CLCN6: variants seen among roughly 807,000 people sequenced by gnomAD.
The protein encoded by CLCN6 is H(+)/Cl(-) exchange transporter 6.
CLCN6 carries 70 observed loss-of-function variants against 109.8 expected under a neutral mutation model. The ratio of observed to expected loss-of-function variants is 0.64; its 90% CI spans 0.53 to 0.78. The LOEUF (loss-of-function observed/expected upper bound fraction) is 0.78, where lower values mean the gene tolerates loss of function less well. CLCN6 is among the 30% of genes least tolerant of loss of function. CLCN6 has a pLI of 0.00. For synonymous variants in CLCN6, 444 were observed against 447.8 expected (o/e 0.99, Z 0.11); for missense variants, 984 against 1,142.3 (o/e 0.86, Z 2.00).
rs1644940820 is a variant in CLCN6, at chr1:11,836,100, GAGA to G, written c.1930_1932del (p.Lys644del). On this transcript the variant is annotated inframe_deletion, in exon 18 of 23. Coordinates refer to ENST00000346436, the MANE Select transcript of CLCN6 (RefSeq NM_001286.5). ...GGTGGTCACAGAGAACCGCGGTAACGAGAAGGAGTTCATGAAGGGCAACCAGCT... is the reference window on the plus strand; with the variant it reads ...GGTGGTCACAGAGAACCGCGGTAACGAGGAGTTCATGAAGGGCAACCAGCT... 1 of 1,613,918 alleles carries G rather than the reference GAGA, an allele frequency of 6.2e-7. No homozygotes were observed.
In CLCN6 at chr1:11,842,918, A is replaced by G. The variant is rs1645043302; in HGVS notation, c.*2695A>G. The G allele has an allele frequency of 1.3e-5, 2 of 152,246 alleles. No individual in the cohort carries two copies. The highest frequency in any genetic ancestry group is 1.3e-4 in the Admixed American group (2 of 15,280). 9.4% of individuals were successfully genotyped at this position (152,246 alleles called of 1,614,324 possible). On this transcript the variant is annotated 3_prime_UTR_variant, in exon 23 of 23. Transcript: ENST00000346436. ...CAGCCCTGCAGTATTGATGTGCAGT[A>G]TTGCACCACAGCTCTGCGGACCTTG...
chr1:11,839,225 A>G (rs1039682136), intron 22 of CLCN6, among the ~76,000 whole-genome samples: 3 of 152,182 alleles, frequency 2.0e-5, no homozygotes, highest in African/African-American at 4.8e-5. Context: ...AGCCCTGGTA[A>G]CTTTTCAAGG....
At chr1:11,826,101 T>G in intron 8 of CLCN6, 55 bp from the exon 9 acceptor site, 11 of 1,187,804 alleles carry the variant, frequency 9.3e-6, no homozygotes, top group East Asian at 2.4e-5. Flanking sequence ...GGGGTACAGG[T>G]AGTATTTGGT....
Position 11,840,542 on chromosome 1 carries a change from G to T in CLCN6, c.*319G>T. On this transcript the variant is annotated 3_prime_UTR_variant, in exon 23 of 23. Transcript: ENST00000346436. ...CAGAGGTAGAATCAGGCGGGCCCCGGGCTGCACTCCGAGCAGTGTTCCTGG... is the reference window on the plus strand; with the variant it reads ...CAGAGGTAGAATCAGGCGGGCCCCGTGCTGCACTCCGAGCAGTGTTCCTGG... 2.2e-6 allele frequency: 1 copy of T among 456,632 alleles called. No homozygotes were observed. The highest frequency in any genetic ancestry group is 4.1e-6 in the Non-Finnish European group (1 of 246,162). The allele number at this position is 456,632 out of a possible 1,614,324, so 28.3% of individuals were successfully genotyped here.
In CLCN6 at chr1:11,807,396, C is replaced by T. The variant is rs116823863; in HGVS notation, c.147+206C>T. Reference sequence around the variant, plus strand: ...CAAAACAAGGTCTGGTGTTTTTACACGTTTATAAATCTGTGGCACCTTAAC... The same window carrying T: ...CAAAACAAGGTCTGGTGTTTTTACATGTTTATAAATCTGTGGCACCTTAAC... On this transcript the variant is annotated intron_variant, in intron 2 of 22. Transcript: ENST00000346436. Among the ~76,000 whole-genome samples, 342 of 152,326 alleles carry T rather than the reference C, an allele frequency of 2.2e-3. 4 individuals carry two copies. The highest frequency in any genetic ancestry group is 7.9e-3 in the African/African-American group (328 of 41,572).
Position 11,841,826 on chromosome 1 carries a change from C to T in CLCN6, c.*1603C>T, listed in dbSNP as rs1486832101. ...AAGGTCTTTTCTAGCTGATTGTGGC[C>T]CCTCCATTTTCCCCATTTTCTTATC... is the stretch of plus-strand genomic sequence containing the variant. On this transcript the variant is annotated 3_prime_UTR_variant, in exon 23 of 23. Coordinates refer to ENST00000346436, the MANE Select transcript of CLCN6 (RefSeq NM_001286.5). 2.0e-5 allele frequency: 3 copies of T among 152,188 alleles called. No homozygotes were observed. Among genetic ancestry groups the T allele is most frequent in the Non-Finnish European group, 4.4e-5 (3 of 68,050 alleles). The allele number at this position is 152,188 out of a possible 1,614,324, so 9.4% of individuals were successfully genotyped here.
Position 11,837,372 on chromosome 1 carries a change from A to T in CLCN6, c.2168A>T (p.Asp723Val), listed in dbSNP as rs955924879. 6.2e-7 allele frequency: 1 copy of T among 1,613,624 alleles called. No homozygotes were observed. Among genetic ancestry groups the T allele is most frequent in the Non-Finnish European group, 8.5e-7 (1 of 1,179,684 alleles). Reference sequence around the variant, plus strand: ...ACTCCCTACCCCAACCTATACCCTGACCAGTCCCCAAGTGAAGACTGGACC... The same window carrying T: ...ACTCCCTACCCCAACCTATACCCTGTCCAGTCCCCAAGTGAAGACTGGACC... ...RYTPYPNLYP[D>V]QSPSEDWTME... The change falls in exon 20 of 23, where the codon GAC (aspartate) becomes GTC (valine). Residue 723 changes from aspartate (D) to valine (V), a missense_variant. Physicochemically the swap from Asp to Val is radical, Grantham distance 152. Transcript: ENST00000346436.
chr1:11,821,424 G>T (rs1314955866), intron 5 of CLCN6, among the ~76,000 whole-genome samples: 1 of 152,156 alleles, frequency 6.6e-6, no homozygotes, highest in Non-Finnish European at 1.5e-5. Context: ...GAGTGTGGTG[G>T]TGTGCACCTT....
intron 20 of CLCN6, among the ~76,000 whole-genome samples, chr1:11,837,713 G>C (rs1256708998): frequency 1.3e-5 from 2 of 152,116 alleles, no homozygotes; most frequent in Non-Finnish European, 2.9e-5. Flanking sequence ...ACAAAATCCG[G>C]GTGTCACCAG....
Position 11,834,404 on chromosome 1 carries a change from A to G in CLCN6, c.1686+9A>G, listed in dbSNP as rs370306805. 10 of 1,612,240 alleles carry G rather than the reference A, an allele frequency of 6.2e-6. No individual in the cohort carries two copies. In the African/African-American group the frequency reaches 1.1e-4, roughly 17 times the overall value. ...TCATGGTCACACTGATGGTGAGCACACTCCCTCCAGGCCCCTGTCAGGCTC... is the reference window on the plus strand; with the variant it reads ...TCATGGTCACACTGATGGTGAGCACGCTCCCTCCAGGCCCCTGTCAGGCTC... On this transcript the variant is annotated intron_variant, in intron 16 of 22. Coordinates refer to ENST00000346436, the MANE Select transcript of CLCN6 (RefSeq NM_001286.5). The surrounding 1 kb of genome is among the most constrained non-coding windows in gnomAD (Gnocchi z 4.5).
intron 18 of CLCN6, among the ~76,000 whole-genome samples, chr1:11,836,411 T>G (rs975992884): frequency 1.4e-4 from 21 of 152,174 alleles, no homozygotes; most frequent in African/African-American, 4.8e-4. Flanking sequence ...TTTCATGGTT[T>G]GTTTACCATG....
rs1644777010 is a variant in CLCN6, at chr1:11,823,773, A to G, written c.520A>G (p.Ile174Val). The G allele has an allele frequency of 6.2e-7, 1 of 1,614,166 alleles. No individual in the cohort carries two copies. Among genetic ancestry groups the G allele is most frequent in the African/African-American group, 1.3e-5 (1 of 74,954 alleles). ...CYLNGVKVPG[I>V]VRLRTLLCKV... ...TCTGAATGGCGTAAAGGTGCCAGGA[A>G]TCGTCCGTCTCCGGACCCTGCTCTG... Residue 174 changes from isoleucine (I) to valine (V), a missense_variant, in exon 7 of 23, where the codon ATC becomes GTC. Ile to Val is a conservative substitution (Grantham distance 29, BLOSUM62 3). Coordinates refer to ENST00000346436, the MANE Select transcript of CLCN6 (RefSeq NM_001286.5).
At chr1:11,828,872 G>C (rs1024052264) in intron 12 of CLCN6, among the ~76,000 whole-genome samples, 1 of 152,202 alleles carries the variant, frequency 6.6e-6, no homozygotes, top group Non-Finnish European at 1.5e-5. Flanking sequence ...CACATGACAA[G>C]GTTAGAAGGG....
chr1:11,831,685 G>A (rs1644886505), intron 13 of CLCN6, among the ~76,000 whole-genome samples: 1 of 152,096 alleles, frequency 6.6e-6, no homozygotes, highest in South Asian at 2.1e-4. Context: ...AATTAAATAT[G>A]CTTCTTTATC....
chr1:11,809,166 TC>T (rs1239622664), intron 2 of CLCN6, among the ~76,000 whole-genome samples: 3 of 152,076 alleles, frequency 2.0e-5, no homozygotes, highest in African/African-American at 7.2e-5. Context: ...GCCATTTTCT[TC>T]TGTTTCGTAA....
intron 2 of CLCN6, among the ~76,000 whole-genome samples, chr1:11,809,544 C>T (rs1036865078): frequency 1.2e-4 from 18 of 152,146 alleles, no homozygotes; most frequent in African/African-American, 3.6e-4. Context: ...CCTCCACCCC[C>T]GCCTCTGAGT....
intron 2 of CLCN6, among the ~76,000 whole-genome samples, chr1:11,814,731 C>G (rs1644646297): frequency 6.6e-6 from 1 of 152,002 alleles, no homozygotes; most frequent in Non-Finnish European, 1.5e-5. Context: ...TGTGCCTCTT[C>G]CTAACATAAA....
At chr1:11,821,955 T>C (rs1300467043) in intron 5 of CLCN6, among the ~76,000 whole-genome samples, 1 of 152,186 alleles carries the variant, frequency 6.6e-6, no homozygotes, top group Non-Finnish European at 1.5e-5. Context: ...AGACTTAATG[T>C]TGAGAAAAAA....
chr1:11,839,091 T>TTATTTTCTTATTACACAAA (rs1156663857), intron 22 of CLCN6: 5 of 589,020 alleles, frequency 8.5e-6, no homozygotes, highest in Non-Finnish European at 1.5e-5. Context: ...TAGAACTTCA[T>TTATTTTCTTATTACACAAA]TATTTTCTTA....
Sources: gnomAD v4.1 joint callset for allele counts (sites outside exome capture counted in the v4.1 genomes callset) on GRCh38, gnomAD v4.1.1 for gene constraint, Gnocchi (gnomAD v3.1) non-coding constraint, MANE v1.5 for transcripts, NCBI Gene and HGNC (gene_info 2026-07-23, HGNC 2026-07-21) for gene names.